Variants in FAP observed in about 807,000 individuals in gnomAD.
The protein encoded by FAP is prolyl endopeptidase FAP.
FAP carries 110 observed loss-of-function variants against 126.5 expected under a neutral mutation model. That is an observed-to-expected ratio of 0.87 (90% CI 0.74 to 1.02). The LOEUF (loss-of-function observed/expected upper bound fraction) is 1.02. FAP is among the 50% of genes least tolerant of loss of function. The pLI, the probability that FAP is intolerant of heterozygous loss-of-function variation, is 0.00. For missense variants in FAP, 919 were observed against 909.2 expected, an observed-to-expected ratio of 1.01 and a Z score of -0.14; for synonymous variants, 334 against 297.3, an observed-to-expected ratio of 1.12 and a Z score of -1.27.
intron 21 of FAP, among the ~76,000 whole-genome samples, chr2:162,178,534 G>A (rs372980484): frequency 5.3e-5 from 8 of 152,056 alleles, no homozygotes; most frequent in Non-Finnish European, 1.2e-4. Context: ...GAGCAAAATC[G>A]CCCGGTTAAC....
intron 7 of FAP, among the ~76,000 whole-genome samples, chr2:162,219,441 T>C (rs74947423): frequency 3.9e-5 from 6 of 152,286 alleles, no homozygotes; most frequent in Non-Finnish European, 7.4e-5. Flanking sequence ...TAAATAATTA[T>C]GTATATTGAC....
At chr2:162,213,318 G>C (rs1182238414) in intron 11 of FAP, among the ~76,000 whole-genome samples, 1 of 151,408 alleles carries the variant, frequency 6.6e-6, no homozygotes, top group Non-Finnish European at 1.5e-5. Flanking sequence ...GGAGGTTGCA[G>C]TGAGTCCAGA....
chr2:162,214,656 A>G (rs1157654496), intron 10 of FAP, among the ~76,000 whole-genome samples: 1 of 150,978 alleles, frequency 6.6e-6, no homozygotes, highest in African/African-American at 2.4e-5. Context: ...CTGAGCATGA[A>G]CTAGTAGGTA....
intron 17 of FAP, among the ~76,000 whole-genome samples, chr2:162,191,628 G>A (rs1688047623): frequency 6.6e-6 from 1 of 152,044 alleles, no homozygotes. Context: ...AACAATGATG[G>A]ATCTTATACT....
intron 16 of FAP, 66 bp downstream of exon 16, chr2:162,198,687 CAGAT>C: frequency 1.3e-6 from 2 of 1,544,936 alleles, no homozygotes; most frequent in Non-Finnish European, 1.8e-6. Flanking sequence ...ACGAATTGAT[CAGAT>C]AGAGGTGAGG....
intron 15 of FAP, 123 bp downstream of exon 15, chr2:162,200,443 A>C (rs927593214): frequency 1.7e-6 from 1 of 605,620 alleles, no homozygotes; most frequent in Non-Finnish European, 2.9e-6. Context: ...GTTTTCTCTA[A>C]ATTCATAAAT....
At chr2:162,213,774 A>T (rs1220049688) in intron 11 of FAP, among the ~76,000 whole-genome samples, 164 bp downstream of exon 11, 1 of 152,244 alleles carries the variant, frequency 6.6e-6, no homozygotes, top group African/African-American at 2.4e-5. Context: ...CTATTTATTT[A>T]ATAAAATGAT....
chr2:162,213,976 C>A lies in FAP; in HGVS notation c.964G>T (p.Asp322Tyr). The change falls in exon 11 of 26, where the codon GAC becomes TAC. Residue 322 changes from aspartate (D) to tyrosine (Y), a missense_variant. Coordinates refer to ENST00000188790, the MANE Select transcript of FAP (RefSeq NM_004460.5). ...VQNVSVLSIC[D>Y]FREDWQTWDC... ...CATGTCTGCCAGTCTTCCCTGAAGT[C>A]ACATATAGACAGGACCGAAACATTC... is the stretch of plus-strand genomic sequence containing the variant. 1 of 1,613,668 alleles carries A rather than the reference C, an allele frequency of 6.2e-7. No individual in the cohort carries two copies. Among genetic ancestry groups the A allele is most frequent in the South Asian group, 1.1e-5 (1 of 90,982 alleles).
chr2:162,198,316 A>G (rs1256807718), intron 16 of FAP: 4 of 1,288,562 alleles, frequency 3.1e-6, no homozygotes, highest in African/African-American at 3.0e-5. Flanking sequence ...TGAGAGTTTG[A>G]TATTTCTCTG....
At chr2:162,221,474 G>A (rs928388830) in intron 6 of FAP, 1 of 317,990 alleles carries the variant, frequency 3.1e-6, no homozygotes, top group Non-Finnish European at 6.2e-6. Context: ...GCAGTGAGCC[G>A]AGATCACACC....
Position 162,200,566 on chromosome 2 carries a change from C to T in FAP, c.1277G>A (p.Arg426Lys), listed in dbSNP as rs1688457988. Residue 426 changes from arginine to lysine, a missense_variant and splice_region_variant, in exon 15 of 26, where the codon AGA becomes AAA. Physicochemically the swap from Arg to Lys is conservative, Grantham distance 26 (BLOSUM62 2). Transcript: ENST00000188790. The part of the protein sequence containing the change: ...EEYPGRRNIY[R>K]ISIGSYPPSK... ...ACCAGAATGAATGGACATAAATTAC[C>T]TGTAGATGTTTCTTCTTCCAGGGTA... is the stretch of plus-strand genomic sequence containing the variant. 3 of 1,474,626 alleles carry T rather than the reference C, an allele frequency of 2.0e-6. No homozygotes were observed. The highest frequency in any genetic ancestry group is 2.8e-6 in the Non-Finnish European group (3 of 1,072,858). The allele number at this position is 1,474,626 out of a possible 1,614,324, so 91.3% of individuals were successfully genotyped here. A position where few individuals can be genotyped will look rare whatever the true frequency, so the allele number is the denominator to read the frequency against.
At chr2:162,214,312 C>T (rs1469117512) in intron 10 of FAP, among the ~76,000 whole-genome samples, 2 of 151,834 alleles carry the variant, frequency 1.3e-5, no homozygotes, top group East Asian at 3.9e-4. Flanking sequence ...AGTTTTCTCC[C>T]CGTTTCTGGA....
rs551363772 is a variant in FAP, at chr2:162,170,833, C to T, written c.*146G>A. On this transcript the variant is annotated 3_prime_UTR_variant, in exon 26 of 26. Coordinates refer to ENST00000188790, the MANE Select transcript of FAP (RefSeq NM_004460.5). ...TATTTAGCTTGAACTTCTGAGTCCT[C>T]ATCTTTTTTTTAACAGCCTTTAGAA... The T allele has an allele frequency of 6.7e-6, 4 of 597,712 alleles. No homozygotes were observed. In the East Asian group the frequency reaches 8.4e-5, roughly 13 times the overall value. The allele number at this position is 597,712 out of a possible 1,614,324, so 37.0% of individuals were successfully genotyped here.
chr2:162,202,833 A>C, intron 14 of FAP, 39 bp downstream of exon 14: 1 of 1,513,454 alleles, frequency 6.6e-7, no homozygotes, highest in Non-Finnish European at 9.2e-7. Context: ...GGTGCCAATT[A>C]AAACCTGAAT....
chr2:162,226,339 C>T (rs183387099), intron 3 of FAP, among the ~76,000 whole-genome samples, 184 bp downstream of exon 3: 165 of 152,216 alleles, frequency 1.1e-3, no homozygotes, highest in African/African-American at 3.7e-3. Flanking sequence ...ATTACTATGG[C>T]GCAAATCCAG....
intron 16 of FAP, chr2:162,198,344 G>T: frequency 1.1e-5 from 14 of 1,283,490 alleles, no homozygotes; most frequent in Non-Finnish European, 1.4e-5. Context: ...GGGGCCAAAA[G>T]TCCAGCAACC....
intron 11 of FAP, among the ~76,000 whole-genome samples, chr2:162,212,564 G>C (rs1688984801): frequency 6.6e-6 from 1 of 152,126 alleles, no homozygotes; most frequent in Non-Finnish European, 1.5e-5. Flanking sequence ...TTTTTAGCCT[G>C]AGTAATGTTG....
chr2:162,180,911 T>G (rs1687674818), intron 21 of FAP, among the ~76,000 whole-genome samples: 1 of 151,830 alleles, frequency 6.6e-6, no homozygotes, highest in African/African-American at 2.4e-5. Context: ...ACCACAAGGG[T>G]TTGCCGAAGG....
intron 2 of FAP, among the ~76,000 whole-genome samples, chr2:162,227,273 GA>G (rs1433842804): frequency 6.6e-6 from 1 of 152,108 alleles, no homozygotes; most frequent in Admixed American, 6.6e-5. Flanking sequence ...AAATATCTTA[GA>G]AATTCCAAGA....
Sources: gnomAD v4.1 joint callset for allele counts (sites outside exome capture counted in the v4.1 genomes callset) on GRCh38, gnomAD v4.1.1 for gene constraint, MANE v1.5 for transcripts, NCBI Gene and HGNC (gene_info 2026-07-23, HGNC 2026-07-21) for gene names.